Variants in RNF103 observed in about 807,000 individuals in gnomAD.
RNF103 encodes the protein E3 ubiquitin-protein ligase RNF103.
A neutral mutation model predicts 66.2 loss-of-function variants in RNF103; 23 were observed. The observed-to-expected ratio is 0.35, with a 90% CI of 0.25 to 0.49. The LOEUF is 0.49. Ranked by LOEUF, RNF103 falls within the 20% of genes least tolerant of loss-of-function variation. The pLI is 0.98. For missense variants in RNF103, 730 were observed against 814.7 expected, an observed-to-expected ratio of 0.90 and a Z score of 1.27; for synonymous variants, 297 against 289.9, an observed-to-expected ratio of 1.02 and a Z score of -0.25.
Position 86,623,064 on chromosome 2 carries a change from G to A in RNF103, c.-178C>T. The A allele has an allele frequency of 7.6e-7, 1 of 1,308,414 alleles. No homozygotes were observed. Among genetic ancestry groups the A allele is most frequent in the South Asian group, 2.1e-5 (1 of 47,090 alleles). The allele number at this position is 1,308,414 out of a possible 1,614,324, so 81.1% of individuals were successfully genotyped here. On this transcript the variant is annotated 5_prime_UTR_variant, in exon 1 of 4. Coordinates refer to ENST00000237455, the MANE Select transcript of RNF103 (RefSeq NM_005667.4). ...GGGAAGCAGGTGACGGGATCCGCGC[G>A]GGCGCGAGGCGGCGACGAGGGACGC...
rs199855577 is a variant in RNF103 at position 86,608,625 on chromosome 2, TCTC to T, written c.483-3210_483-3208del. On this transcript the variant is annotated intron_variant, in intron 3 of 3. Transcript: ENST00000237455. The stretch of plus-strand genomic sequence containing the variant: ...CTCTCTCTGCAATCCCCCCTTCTCT[TCTC>T]CTTCCCCGTTTTTTCCACAGGCCAC... Among the ~76,000 whole-genome samples, 778 of 151,494 alleles carry T rather than the reference TCTC, an allele frequency of 5.1e-3. 4 individuals carry two copies. The highest frequency in any genetic ancestry group is 0.018 in the African/African-American group (741 of 41,328).
At chr2:86,617,568 C>G (rs374537117) in intron 2 of RNF103, 1 of 791,050 alleles carries the variant, frequency 1.3e-6, no homozygotes, top group African/African-American at 1.9e-5. Context: ...GTACTATCCA[C>G]GGTTTCAGGC....
Position 86,603,690 on chromosome 2 carries a change from C to A in RNF103, c.*153G>T. The A allele has an allele frequency of 8.7e-7, 1 of 1,147,430 alleles. No homozygotes were observed. Among genetic ancestry groups the A allele is most frequent in the Admixed American group, 3.1e-5 (1 of 32,606 alleles). 71.1% of individuals were successfully genotyped at this position (1,147,430 alleles called of 1,614,324 possible). On this transcript the variant is annotated 3_prime_UTR_variant, in exon 4 of 4. Transcript: ENST00000237455. ...GCATTCAATTAACACACAAGGCAACCAAATAAATTCTGTCATCAACATTAG... is the reference window on the plus strand; with the variant it reads ...GCATTCAATTAACACACAAGGCAACAAAATAAATTCTGTCATCAACATTAG...
chr2:86,618,711 G>C (rs1055543712), intron 2 of RNF103: 1 of 152,134 alleles, frequency 6.6e-6, no homozygotes, highest in Admixed American at 6.5e-5. Flanking sequence ...TGAAAGCAGG[G>C]CAGTGGGACT....
At chr2:86,622,501 G>A (rs1169909174) in intron 1 of RNF103, among the ~76,000 whole-genome samples, 160 bp downstream of exon 1, 4 of 152,170 alleles carry the variant, frequency 2.6e-5, no homozygotes, top group Admixed American at 6.5e-5. Flanking sequence ...CTCAAAGCTG[G>A]GATCCGCATA....
Position 86,623,080 on chromosome 2 carries a change from C to T in RNF103, c.-194G>A. 1 of 1,282,272 alleles carries T rather than the reference C, an allele frequency of 7.8e-7. No homozygotes were observed. Among genetic ancestry groups the T allele is most frequent in the African/African-American group, 1.6e-5 (1 of 63,272 alleles). 79.4% of individuals were successfully genotyped at this position (1,282,272 alleles called of 1,614,324 possible). A position where few individuals can be genotyped will look rare whatever the true frequency, so the allele number is the denominator to read the frequency against. On this transcript the variant is annotated 5_prime_UTR_variant, in exon 1 of 4. Transcript: ENST00000237455. ...GATCCGCGCGGGCGCGAGGCGGCGA[C>T]GAGGGACGCAGAGACGCAGAGCCTC...
Position 86,622,836 on chromosome 2 carries a change from G to A in RNF103, c.51C>T (p.Val17=). 1 of 1,614,004 alleles carries A rather than the reference G, an allele frequency of 6.2e-7. No individual in the cohort carries two copies. The highest frequency in any genetic ancestry group is 8.5e-7 in the Non-Finnish European group (1 of 1,179,964). The change falls in exon 1 of 4, where the codon GTC becomes GTT. Residue 17 remains valine, a synonymous_variant. Transcript: ENST00000237455. The part of the protein sequence containing the change: ...FLLLYFLVLF[V]LARFFEAIVW... The stretch of plus-strand genomic sequence containing the variant: ...CAATGGCCTCAAAAAACCTGGCCAG[G>A]ACGAACAGGACCAGGAAATAGAGGA...
chr2:86,623,638 C>T lies in RNF103; in HGVS notation c.-752G>A. The T allele has an allele frequency of 9.1e-7, 1 of 1,101,712 alleles. No homozygotes were observed. Among genetic ancestry groups the T allele is most frequent in the Non-Finnish European group, 1.1e-6 (1 of 896,674 alleles). 68.2% of individuals were successfully genotyped at this position (1,101,712 alleles called of 1,614,324 possible). A position where few individuals can be genotyped will look rare whatever the true frequency, so the allele number is the denominator to read the frequency against. ...CCGGCCCAGGATGGGGCGTCGCGGTCTCTGCAGATGGAATCGGTCTCGGAG... is the reference window on the plus strand; with the variant it reads ...CCGGCCCAGGATGGGGCGTCGCGGTTTCTGCAGATGGAATCGGTCTCGGAG... On this transcript the variant is annotated 5_prime_UTR_variant, in exon 1 of 4. Transcript: ENST00000237455.
rs957561769 is a variant in RNF103, at chr2:86,623,460, G to A, written c.-574C>T. On this transcript the variant is annotated 5_prime_UTR_variant, in exon 1 of 4. Coordinates refer to ENST00000237455, the MANE Select transcript of RNF103 (RefSeq NM_005667.4). ...GGGCCCAGCGTGTTCTGCGCGGGGAGGAGCGGCCGCCGCAACGCCGCGCCC... is the reference window on the plus strand; with the variant it reads ...GGGCCCAGCGTGTTCTGCGCGGGGAAGAGCGGCCGCCGCAACGCCGCGCCC... The A allele has an allele frequency of 2.5e-4, 241 of 982,170 alleles. 1 individual carries two copies. The African/African-American group carries it at 3.7e-3, about 15-fold the overall frequency. The allele number at this position is 982,170 out of a possible 1,614,324, so 60.8% of individuals were successfully genotyped here.
intron 2 of RNF103, chr2:86,616,780 T>A (rs909314820): frequency 2.0e-6 from 2 of 985,310 alleles, no homozygotes; most frequent in Non-Finnish European, 2.4e-6. Context: ...AACAAATATG[T>A]CCTTCTTTGA....
At chr2:86,620,307 C>G in intron 2 of RNF103, 23 bp downstream of exon 2, 1 of 1,567,734 alleles carries the variant, frequency 6.4e-7, no homozygotes. Context: ...CTCGAATTAT[C>G]AAATTATTAC....
At position 86,623,701 on chromosome 2, in the gene RNF103, A is replaced by G; in HGVS notation, c.-815T>C. The G allele has an allele frequency of 1.6e-6, 2 of 1,239,538 alleles. No individual in the cohort carries two copies. The highest frequency in any genetic ancestry group is 2.8e-5 in the Admixed American group (1 of 36,196). The allele number at this position is 1,239,538 out of a possible 1,614,324, so 76.8% of individuals were successfully genotyped here. A position where few individuals can be genotyped will look rare whatever the true frequency, so the allele number is the denominator to read the frequency against. ...TAATAGGCCCCGAGACTGCTCCTCC[A>G]GGCGGCTACCCGGCTGCCTCCCGGC... On this transcript the variant is annotated 5_prime_UTR_variant, in exon 1 of 4. Transcript: ENST00000237455.
At chr2:86,611,132 A>G (rs767322486) in intron 3 of RNF103, among the ~76,000 whole-genome samples, 8 of 151,838 alleles carry the variant, frequency 5.3e-5, no homozygotes, top group Non-Finnish European at 1.0e-4. Context: ...GTGAGCTATG[A>G]TCACACCACT....
In RNF103 at chr2:86,612,179, A is replaced by G. The variant is rs781483202; in HGVS notation, c.462T>C (p.Phe154=). The change falls in exon 3 of 4, where the codon TTT becomes TTC. Residue 154 remains phenylalanine (F), a synonymous_variant. Coordinates refer to ENST00000237455, the MANE Select transcript of RNF103 (RefSeq NM_005667.4). Reference sequence around the variant, plus strand: ...CTTACCTGGGATCACTGGAACAGTTAAATGTGCCTGTACGTATTCCAAATC... The same window carrying G: ...CTTACCTGGGATCACTGGAACAGTTGAATGTGCCTGTACGTATTCCAAATC... ...VSRFGIRTGT[F]NCSSDPRYCR... 6.2e-7 allele frequency: 1 copy of G among 1,612,334 alleles called. No individual in the cohort carries two copies. Among genetic ancestry groups the G allele is most frequent in the Non-Finnish European group, 8.5e-7 (1 of 1,179,194 alleles).
chr2:86,620,215 T>G, intron 2 of RNF103, 115 bp downstream of exon 2: 2 of 1,278,740 alleles, frequency 1.6e-6, no homozygotes, highest in Non-Finnish European at 2.0e-6. Context: ...AACTGAGTTA[T>G]GTGTGAGAAA....
At chr2:86,617,195 CCTGGAAAAG>C (rs778681358) in intron 2 of RNF103, 331 of 985,304 alleles carry the variant, frequency 3.4e-4, no homozygotes, top group Non-Finnish European at 3.6e-4. Context: ...GTAACATGGA[CCTGGAAAAG>C]CTTAAAAATA....
chr2:86,611,179 C>CA (rs397978650), intron 3 of RNF103, among the ~76,000 whole-genome samples: 12,204 of 131,302 alleles, frequency 0.093, 1,598 homozygotes, highest in African/African-American at 0.3. Flanking sequence ...AATCCTGTCT[C>CA]AAAAAAAAAA....
intron 3 of RNF103, 33 bp downstream of exon 3, chr2:86,612,126 A>C: frequency 7.2e-7 from 1 of 1,387,254 alleles, no homozygotes; most frequent in South Asian, 1.2e-5. Flanking sequence ...CCTGGTCAGG[A>C]CTCAAATTCT....
intron 3 of RNF103, among the ~76,000 whole-genome samples, chr2:86,607,098 A>G (rs12468191): frequency 0.04 from 6,117 of 152,174 alleles, 243 homozygotes; most frequent in East Asian, 0.14. Flanking sequence ...ACCATGTGAA[A>G]TTTTTAAGTA....
Sources: allele counts gnomAD v4.1 joint callset (sites outside exome capture counted in the v4.1 genomes callset), GRCh38; gene constraint gnomAD v4.1.1; transcripts MANE v1.5; gene names NCBI Gene and HGNC (gene_info 2026-07-23, HGNC 2026-07-21).